The following NWD2 variants were observed in gnomAD, a reference collection of about 807,000 sequenced individuals.
NWD2 encodes the protein NACHT and WD repeat domain-containing protein 2.
In NWD2, 37 loss-of-function variants were observed where a neutral mutation model predicts 132.7. The observed-to-expected ratio is 0.28, with a 90% CI of 0.21 to 0.37. The LOEUF (loss-of-function observed/expected upper bound fraction) is 0.37, where lower values mean the gene tolerates loss of function less well. NWD2 is among the 10% of genes least tolerant of loss of function. The probability of loss-of-function intolerance (pLI) is 1.00; values close to 1 mark genes in which losing one functional copy is unlikely to be tolerated. For missense variants in NWD2, 1,592 were observed against 2,122.4 expected (o/e 0.75, Z 4.91); for synonymous variants, 705 against 803.0 (o/e 0.88, Z 2.06).
chr4:37,437,611 A>G (rs1046488459), intron 5 of NWD2, among the ~76,000 whole-genome samples: 2 of 152,180 alleles, frequency 1.3e-5, no homozygotes, highest in Non-Finnish European at 2.9e-5. Flanking sequence ...GAGCAATTAC[A>G]TGAAGGAAAG....
intron 6 of NWD2, among the ~76,000 whole-genome samples, chr4:37,442,132 C>A (rs894054166): frequency 7.9e-5 from 12 of 152,208 alleles, no homozygotes; most frequent in African/African-American, 2.9e-4. Flanking sequence ...AAACTGACCT[C>A]CATAAATCTT....
In NWD2 at chr4:37,443,906, G is replaced by A. The variant is rs373564222; in HGVS notation, c.1918G>A (p.Glu640Lys). Residue 640 changes from glutamate to lysine, a missense_variant, in exon 7 of 7, where the codon GAA becomes AAA. Coordinates refer to ENST00000309447, the MANE Select transcript of NWD2 (RefSeq NM_001144990.2). The surrounding 1 kb of genome is among the most constrained non-coding windows in gnomAD (Gnocchi z 4.1). ...ATCCTCCCTCTCTGTCACCGTTCAT[G>A]AAAGTATAGAGCAGTTATTCTGGTC... ...DESSLSVTVHESIEQLFWSLE... is the reference protein window; with the variant it reads ...DESSLSVTVHKSIEQLFWSLE... 3.0e-5 allele frequency: 46 copies of A among 1,552,246 alleles called. No homozygotes were observed. Among genetic ancestry groups the A allele is most frequent in the Non-Finnish European group, 3.7e-5 (42 of 1,147,160 alleles).
chr4:37,260,774 A>T (rs924273210), intron 1 of NWD2, among the ~76,000 whole-genome samples: 14 of 152,166 alleles, frequency 9.2e-5, no homozygotes, highest in African/African-American at 1.4e-4. Context: ...TGATTTTTTT[A>T]AAAAACATCA....
In NWD2 at chr4:37,323,857, C is replaced by CAAA. The variant is rs33925291; in HGVS notation, c.152-2069_152-2067dup. ...TATACACCATGGAATACTACACAGCCAAAAAAAAAAAAGAATGCAATGTCC... is the reference window on the plus strand; with the variant it reads ...TATACACCATGGAATACTACACAGCCAAAAAAAAAAAAAAAGAATGCAATGTCC... On this transcript the variant is annotated intron_variant, in intron 1 of 6. Transcript: ENST00000309447. 6.1e-3 allele frequency among the ~76,000 whole-genome samples: 892 copies of CAAA among 146,836 alleles called. 8 individuals carry two copies. The highest frequency in any genetic ancestry group is 0.02 in the African/African-American group (817 of 40,008).
Position 37,446,651 on chromosome 4 carries a change from A to G in NWD2, c.4663A>G (p.Ser1555Gly). The G allele has an allele frequency of 6.4e-7, 1 of 1,551,514 alleles. No homozygotes were observed. Among genetic ancestry groups the G allele is most frequent in the Non-Finnish European group, 8.7e-7 (1 of 1,146,972 alleles). Residue 1555 changes from serine (S) to glycine (G), a missense_variant, in exon 7 of 7, where the codon AGT (serine) becomes GGT (glycine). By Grantham distance (56) the Ser-to-Gly change is moderately conservative. Transcript: ENST00000309447. The surrounding 1 kb of genome is among the most constrained non-coding windows in gnomAD (Gnocchi z 6.7). Reference protein sequence around the residue: ...DENINVLDLYSGKLRVVHASG... With the variant: ...DENINVLDLYGGKLRVVHASG... The stretch of plus-strand genomic sequence containing the variant: ...AAACATCAATGTGCTAGATTTATAC[A>G]GTGGTAAATTGCGGGTGGTTCACGC...
chr4:37,347,393 G>T (rs1719658149), intron 2 of NWD2, among the ~76,000 whole-genome samples: 1 of 152,036 alleles, frequency 6.6e-6, no homozygotes, highest in Admixed American at 6.6e-5. Context: ...TTTATTGAAT[G>T]TAGGATATTT....
intron 2 of NWD2, 67 bp downstream of exon 2, chr4:37,326,091 C>T (rs1009834507): frequency 1.9e-6 from 2 of 1,047,538 alleles, no homozygotes. Flanking sequence ...TTTCTTGTCA[C>T]AACTTGAGTG....
At position 37,273,844 on chromosome 4, in the gene NWD2, G is replaced by A. The variant is rs1045522785; in HGVS notation, c.151+28626G>A. 7.2e-5 allele frequency among the ~76,000 whole-genome samples: 11 copies of A among 151,980 alleles called. No homozygotes were observed. In the South Asian group the frequency reaches 8.3e-4, roughly 11 times the overall value. On this transcript the variant is annotated intron_variant, in intron 1 of 6. Coordinates refer to ENST00000309447, the MANE Select transcript of NWD2 (RefSeq NM_001144990.2). ...CCTGAATGACTACTGGGTACATAAC[G>A]AAATGAAGGCAGAAATAAAGATGTT...
chr4:37,347,235 G>C (rs1297980961), intron 2 of NWD2, among the ~76,000 whole-genome samples: 1 of 152,022 alleles, frequency 6.6e-6, no homozygotes, highest in Admixed American at 6.6e-5. Flanking sequence ...GAACTAATAT[G>C]TATTCCTCCT....
At chr4:37,293,739 T>C (rs79788711) in intron 1 of NWD2, among the ~76,000 whole-genome samples, 20,195 of 152,176 alleles carry the variant, frequency 0.13, 1,462 homozygotes, top group East Asian at 0.19. Flanking sequence ...AAGGAATATA[T>C]GTGTTTACTA....
At position 37,447,091 on chromosome 4, in the gene NWD2, C is replaced by A. The variant is rs1252409524; in HGVS notation, c.5103C>A (p.Ser1701Arg). 1.3e-6 allele frequency: 2 copies of A among 1,551,554 alleles called. No homozygotes were observed. The highest frequency in any genetic ancestry group is 3.3e-4 in the Middle Eastern group (2 of 5,992). Residue 1701 changes from serine (S) to arginine (R), a missense_variant, in exon 7 of 7, where the codon AGC becomes AGA. By Grantham distance (110) the Ser-to-Arg change is moderately radical. Transcript: ENST00000309447. The part of the protein sequence containing the change: ...RESTEVFARD[S>R]PITVSDSTES... ...CCACTGAGGTCTTTGCAAGAGACAG[C>A]CCCATCACAGTTAGTGACTCTACTG...
At chr4:37,290,690 A>G (rs1365019632) in intron 1 of NWD2, among the ~76,000 whole-genome samples, 1 of 152,248 alleles carries the variant, frequency 6.6e-6, no homozygotes, top group African/African-American at 2.4e-5. Flanking sequence ...TGGAACGTAG[A>G]TAACAAAGAG....
chr4:37,263,010 G>A (rs989071459), intron 1 of NWD2, among the ~76,000 whole-genome samples: 3 of 152,088 alleles, frequency 2.0e-5, no homozygotes, highest in African/African-American at 4.8e-5. Flanking sequence ...TCATGGAGCC[G>A]AGACCACCAG....
intron 1 of NWD2, among the ~76,000 whole-genome samples, chr4:37,307,345 G>T (rs926527646): frequency 6.6e-6 from 1 of 152,048 alleles, no homozygotes; most frequent in African/African-American, 2.4e-5. Context: ...AGTTTTGCTT[G>T]TCTGGGAGAG....
At chr4:37,353,315 A>T (rs1719807524) in intron 2 of NWD2, among the ~76,000 whole-genome samples, 2 of 151,974 alleles carry the variant, frequency 1.3e-5, no homozygotes, top group South Asian at 4.1e-4. Flanking sequence ...TCTGACGATT[A>T]TGTGTCTTTG....
chr4:37,423,464 T>C (rs1210779892), intron 3 of NWD2, among the ~76,000 whole-genome samples: 1 of 152,190 alleles, frequency 6.6e-6, no homozygotes, highest in East Asian at 1.9e-4. Context: ...GCTGGAGGCC[T>C]AGAGAAGCTG....
intron 1 of NWD2, among the ~76,000 whole-genome samples, chr4:37,283,022 G>A (rs746552379): frequency 2.6e-5 from 4 of 152,116 alleles, no homozygotes; most frequent in African/African-American, 9.7e-5. Flanking sequence ...TAAAGCTGGT[G>A]TGTTGTCGCA....
intron 1 of NWD2, among the ~76,000 whole-genome samples, chr4:37,274,100 T>C (rs1577651632): frequency 6.6e-6 from 1 of 151,556 alleles, no homozygotes; most frequent in East Asian, 1.9e-4. Context: ...CTGAAGGAGA[T>C]AGAGACACAA....
chr4:37,348,736 A>G (rs1254318707), intron 2 of NWD2, among the ~76,000 whole-genome samples: 7 of 145,022 alleles, frequency 4.8e-5, no homozygotes, highest in Non-Finnish European at 1.1e-4. Flanking sequence ...CAGAACATGC[A>G]GGTTTGTTAC....
Sources: gnomAD v4.1 joint callset for allele counts (sites outside exome capture counted in the v4.1 genomes callset) on GRCh38, gnomAD v4.1.1 for gene constraint, Gnocchi (gnomAD v3.1) non-coding constraint, MANE v1.5 for transcripts, NCBI Gene and HGNC (gene_info 2026-07-23, HGNC 2026-07-21) for gene names.